Variants in SPIDR observed in about 807,000 individuals in gnomAD.
SPIDR encodes the protein DNA repair-scaffolding protein.
In SPIDR, 93 loss-of-function variants were observed where a neutral mutation model predicts 104.6. That is an observed-to-expected ratio of 0.89 (90% CI 0.75 to 1.06). SPIDR has a LOEUF of 1.06. Ranked by LOEUF, SPIDR falls within the 50% of genes least tolerant of loss-of-function variation. The pLI is 0.00. For synonymous variants in SPIDR, 431 were observed against 416.9 expected, an observed-to-expected ratio of 1.03 and a Z score of -0.41; for missense variants, 1,154 against 1,111.2, an observed-to-expected ratio of 1.04 and a Z score of -0.55.
At chr8:47,409,755 G>A (rs2063247504) in intron 7 of SPIDR, among the ~76,000 whole-genome samples, 2 of 152,200 alleles carry the variant, frequency 1.3e-5, no homozygotes, top group South Asian at 4.1e-4. Flanking sequence ...GAGGCCAGGT[G>A]TGGTGGCTCA....
chr8:47,630,836 T>C (rs1056127019), intron 10 of SPIDR, among the ~76,000 whole-genome samples: 7 of 152,204 alleles, frequency 4.6e-5, no homozygotes, highest in Non-Finnish European at 8.8e-5. Context: ...TCCTGGTTCT[T>C]GTTCACATGG....
chr8:47,593,924 T>A lies in SPIDR; in HGVS notation c.1098-1887T>A, dbSNP rs2061352898. 2.0e-5 allele frequency among the ~76,000 whole-genome samples: 3 copies of A among 152,084 alleles called. No individual in the cohort carries two copies. The South Asian group carries it at 6.3e-4, about 32-fold the overall frequency. On this transcript the variant is annotated intron_variant, in intron 8 of 19. Transcript: ENST00000297423. The stretch of plus-strand genomic sequence containing the variant: ...ACTGAGCAGCGGTGAAAATCCTGAT[T>A]CTCTGCCACACTTCCTCTGGCACCA...
intron 5 of SPIDR, among the ~76,000 whole-genome samples, chr8:47,360,159 A>G (rs1587668715): frequency 7.0e-6 from 1 of 142,460 alleles, no homozygotes; most frequent in South Asian, 2.4e-4. Context: ...GGACAATGGC[A>G]TGAACCCGGG....
chr8:47,630,100 G>A (rs1403752274), intron 10 of SPIDR, among the ~76,000 whole-genome samples: 2 of 152,180 alleles, frequency 1.3e-5, no homozygotes, highest in Non-Finnish European at 2.9e-5. Context: ...ATTTTGAAAT[G>A]TCAAGTTTTC....
At chr8:47,385,867 T>A (rs2059842163) in intron 5 of SPIDR, among the ~76,000 whole-genome samples, 2 of 152,194 alleles carry the variant, frequency 1.3e-5, no homozygotes, top group African/African-American at 4.8e-5. Context: ...TTGGGGAAAT[T>A]TTTGGACACA....
intron 8 of SPIDR, among the ~76,000 whole-genome samples, chr8:47,454,350 C>G (rs1354396766): frequency 6.6e-6 from 1 of 152,034 alleles, no homozygotes; most frequent in African/African-American, 2.4e-5. Context: ...AGCTGGAAGC[C>G]ATCATTCTCA....
At chr8:47,410,482 CT>C (rs1157807447) in intron 7 of SPIDR, among the ~76,000 whole-genome samples, 1 of 152,042 alleles carries the variant, frequency 6.6e-6, no homozygotes, top group Non-Finnish European at 1.5e-5. Context: ...TGCCCAGTCA[CT>C]TTTTCTTCTA....
At chr8:47,303,759 AGT>A (rs1396161066) in intron 5 of SPIDR, among the ~76,000 whole-genome samples, 1 of 152,176 alleles carries the variant, frequency 6.6e-6, no homozygotes, top group East Asian at 1.9e-4. Flanking sequence ...TCAGTTTATT[AGT>A]ATATTGGTGA....
intron 8 of SPIDR, among the ~76,000 whole-genome samples, chr8:47,451,687 C>T (rs1554706125): frequency 6.6e-6 from 1 of 152,068 alleles, no homozygotes. Flanking sequence ...TGAACTCCTT[C>T]TGTCTGAGAA....
At chr8:47,264,394 G>A (rs1554545001) in intron 1 of SPIDR, among the ~76,000 whole-genome samples, 3 of 152,110 alleles carry the variant, frequency 2.0e-5, no homozygotes, top group African/African-American at 7.2e-5. Context: ...CACATATATA[G>A]ATATGTGGTA....
chr8:47,588,356 T>TAA (rs2060559863), intron 8 of SPIDR, among the ~76,000 whole-genome samples: 1 of 151,264 alleles, frequency 6.6e-6, no homozygotes, highest in Non-Finnish European at 1.5e-5. Context: ...TTTTAAATGG[T>TAA]ATGTTTTTCC....
intron 8 of SPIDR, among the ~76,000 whole-genome samples, chr8:47,482,464 A>G (rs2077004599): frequency 6.6e-6 from 1 of 152,128 alleles, no homozygotes; most frequent in African/African-American, 2.4e-5. Flanking sequence ...TTCGTCTCCT[A>G]GATGAGACCA....
intron 8 of SPIDR, among the ~76,000 whole-genome samples, chr8:47,495,863 T>C (rs1309489259): frequency 1.8e-4 from 27 of 152,178 alleles, no homozygotes; most frequent in Admixed American, 1.8e-3. Flanking sequence ...ATCAATTCTT[T>C]CCCATTGATT....
At chr8:47,460,905 C>T (rs2073829835) in intron 8 of SPIDR, among the ~76,000 whole-genome samples, 1 of 152,122 alleles carries the variant, frequency 6.6e-6, no homozygotes, top group Non-Finnish European at 1.5e-5. Flanking sequence ...TGTATCTTTC[C>T]TTCATTTATG....
At chr8:47,676,042 A>G (rs1192999986) in intron 11 of SPIDR, among the ~76,000 whole-genome samples, 1 of 152,220 alleles carries the variant, frequency 6.6e-6, no homozygotes, top group African/African-American at 2.4e-5. Context: ...AGCATCTTAC[A>G]GAAATACTGC....
chr8:47,420,239 T>G lies in SPIDR; in HGVS notation c.877+12278T>G, dbSNP rs1588474230. 4.6e-5 allele frequency among the ~76,000 whole-genome samples: 7 copies of G among 152,302 alleles called. No homozygotes were observed. In the South Asian group the frequency reaches 1.5e-3, roughly 32 times the overall value. On this transcript the variant is annotated intron_variant, in intron 7 of 19. Coordinates refer to ENST00000297423, the MANE Select transcript of SPIDR (RefSeq NM_001080394.4). ...GTTTTAAAGCCTCCCATTATTATTG[T>G]GTGGGAGTCTAAGTCTCTTTTTAGG...
intron 8 of SPIDR, among the ~76,000 whole-genome samples, chr8:47,450,903 C>A (rs1211068608): frequency 6.6e-6 from 1 of 152,126 alleles, no homozygotes; most frequent in Non-Finnish European, 1.5e-5. Flanking sequence ...ATGGACAATT[C>A]CAGTCTTCAG....
At chr8:47,633,766 G>C (rs958646574) in intron 10 of SPIDR, among the ~76,000 whole-genome samples, 1 of 151,996 alleles carries the variant, frequency 6.6e-6, no homozygotes, top group African/African-American at 2.4e-5. Flanking sequence ...CAGTATTATG[G>C]CTTGAAAAAA....
chr8:47,418,719 A>G (rs1305069580), intron 7 of SPIDR, among the ~76,000 whole-genome samples: 3 of 152,154 alleles, frequency 2.0e-5, no homozygotes, highest in African/African-American at 4.8e-5. Context: ...GAATGCTTCC[A>G]GTTTTTGCCC....
Sources: allele counts gnomAD v4.1 joint callset (sites outside exome capture counted in the v4.1 genomes callset), GRCh38; gene constraint gnomAD v4.1.1; transcripts MANE v1.5; gene names NCBI Gene and HGNC (gene_info 2026-07-23, HGNC 2026-07-21).